The following ATE1 variants were observed in gnomAD, a reference collection of about 807,000 sequenced individuals.
The protein encoded by ATE1 is arginyltransferase 1.
In ATE1, 36 loss-of-function variants were observed where a neutral mutation model predicts 70.5. The observed-to-expected ratio is 0.51, with a 90% CI of 0.39 to 0.67. The LOEUF is 0.67. Ranked by LOEUF, ATE1 falls within the 30% of genes least tolerant of loss-of-function variation. ATE1 has a pLI of 0.00. For missense variants in ATE1, 593 were observed against 629.5 expected, an observed-to-expected ratio of 0.94 and a Z score of 0.62; for synonymous variants, 232 against 219.3, an observed-to-expected ratio of 1.06 and a Z score of -0.51.
At chr10:121,927,277 G>A in intron 1 of ATE1, 1 of 984,812 alleles carries the variant, frequency 1.0e-6, no homozygotes. Context: ...AACAGATCAG[G>A]ACAAACAGAA....
In ATE1 at chr10:121,887,530, G is replaced by A. The variant is rs868098072; in HGVS notation, c.942+12336C>T. Among the ~76,000 whole-genome samples the A allele has an allele frequency of 1.9e-4, 13 of 67,610 alleles. 1 individual carries two copies. The highest frequency in any genetic ancestry group is 5.9e-4 in the African/African-American group (11 of 18,660). The allele number at this position is 67,610 out of a possible 152,430, so 44.4% of individuals were successfully genotyped here. On this transcript the variant is annotated intron_variant, in intron 7 of 11. Coordinates refer to ENST00000224652, the MANE Select transcript of ATE1 (RefSeq NM_001001976.3). Reference sequence around the variant, plus strand: ...ACCAGCCTGGACAACACAGCAAGACGCCCCCCTACAAAAAAAAATTTAAAA... The same window carrying A: ...ACCAGCCTGGACAACACAGCAAGACACCCCCCTACAAAAAAAAATTTAAAA...
At chr10:121,869,772 T>C (rs1463589564) in intron 8 of ATE1, among the ~76,000 whole-genome samples, 1 of 152,126 alleles carries the variant, frequency 6.6e-6, no homozygotes, top group Non-Finnish European at 1.5e-5. Flanking sequence ...AAAGAAAATA[T>C]ACTTAAAAAG....
intron 11 of ATE1, among the ~76,000 whole-genome samples, chr10:121,776,922 T>C (rs1349553463): frequency 6.6e-6 from 1 of 152,240 alleles, no homozygotes; most frequent in African/African-American, 2.4e-5. Flanking sequence ...AAGGGCAGTG[T>C]GGTGAAATTG....
At chr10:121,841,009 TA>T (rs796668906) in intron 9 of ATE1, 72 bp downstream of exon 9, 1 of 1,266,598 alleles carries the variant, frequency 7.9e-7, no homozygotes, top group East Asian at 2.7e-5. Context: ...GTTACATAAT[TA>T]AATATAATCA....
In ATE1 at chr10:121,872,521, T is replaced by C. The variant is rs77157283; in HGVS notation, c.943-2483A>G. On this transcript the variant is annotated intron_variant, in intron 7 of 11. Coordinates refer to ENST00000224652, the MANE Select transcript of ATE1 (RefSeq NM_001001976.3). Reference sequence around the variant, plus strand: ...CATCAGTAAAACCCATTTTTTTTTATGTTTCACTTCAGTTAATTACTTAGT... The same window carrying C: ...CATCAGTAAAACCCATTTTTTTTTACGTTTCACTTCAGTTAATTACTTAGT... Among the ~76,000 whole-genome samples the C allele has an allele frequency of 7.9e-3, 1,198 of 152,214 alleles. 18 individuals are homozygous for C. The highest frequency in any genetic ancestry group is 0.028 in the African/African-American group (1,158 of 41,494).
At chr10:121,860,190 G>A (rs183164119) in intron 8 of ATE1, among the ~76,000 whole-genome samples, 2 of 152,156 alleles carry the variant, frequency 1.3e-5, no homozygotes, top group Non-Finnish European at 2.9e-5. Context: ...TCTTTATCTG[G>A]AATACTCTTA....
chr10:121,913,660 A>G (rs577287001), intron 4 of ATE1, 130 bp downstream of exon 4: 2 of 550,116 alleles, frequency 3.6e-6, no homozygotes, highest in African/African-American at 1.9e-5. Context: ...CAGTGCTAAC[A>G]GTAGTCGCTG....
At chr10:121,886,194 T>G (rs1483883838) in intron 7 of ATE1, among the ~76,000 whole-genome samples, 1 of 152,096 alleles carries the variant, frequency 6.6e-6, no homozygotes, top group Non-Finnish European at 1.5e-5. Flanking sequence ...CAACATCATT[T>G]TGTTATAACT....
chr10:121,802,121 C>T (rs1328556496), intron 10 of ATE1, among the ~76,000 whole-genome samples: 1 of 152,134 alleles, frequency 6.6e-6, no homozygotes, highest in Non-Finnish European at 1.5e-5. Context: ...TCTATATCCA[C>T]TGCGTGCAAA....
chr10:121,801,929 G>T (rs1415787222), intron 10 of ATE1, among the ~76,000 whole-genome samples: 2 of 141,600 alleles, frequency 1.4e-5, no homozygotes, highest in African/African-American at 5.5e-5. Flanking sequence ...CCTTTTTAAA[G>T]TTAAAAAAAA....
At position 121,762,227 on chromosome 10, in the gene ATE1, T is replaced by C. The variant is rs960129569; in HGVS notation, c.1379-18369A>G. On this transcript the variant is annotated intron_variant, in intron 11 of 11. Transcript: ENST00000224652. Reference sequence around the variant, plus strand: ...TTGCCCCAGGGCAATCCTTTTTCATTGACTGACTTCTCCCTTCTTTACCTA... The same window carrying C: ...TTGCCCCAGGGCAATCCTTTTTCATCGACTGACTTCTCCCTTCTTTACCTA... Among the ~76,000 whole-genome samples, 5 of 152,238 alleles carry C rather than the reference T, an allele frequency of 3.3e-5. No homozygotes were observed. In the East Asian group the frequency reaches 9.6e-4, roughly 29 times the overall value.
At chr10:121,860,069 A>G (rs1388945717) in intron 8 of ATE1, among the ~76,000 whole-genome samples, 1 of 152,236 alleles carries the variant, frequency 6.6e-6, no homozygotes, top group Non-Finnish European at 1.5e-5. Context: ...GAGAAAGTAT[A>G]GTAGGTTGGG....
intron 8 of ATE1, among the ~76,000 whole-genome samples, chr10:121,864,037 G>T (rs1002487991): frequency 6.6e-6 from 1 of 152,074 alleles, no homozygotes; most frequent in Non-Finnish European, 1.5e-5. Flanking sequence ...CTTTTAATTG[G>T]AATGTTCCAA....
intron 11 of ATE1, among the ~76,000 whole-genome samples, chr10:121,789,149 T>C: frequency 6.6e-6 from 1 of 152,128 alleles, no homozygotes; most frequent in South Asian, 2.1e-4. Flanking sequence ...TAATCCTCAT[T>C]ACAGCTAGTA....
intron 5 of ATE1, 129 bp downstream of exon 5, chr10:121,910,777 A>G (rs1951389608): frequency 8.1e-7 from 1 of 1,238,566 alleles, no homozygotes; most frequent in Admixed American, 2.2e-5. Context: ...ATAATAAACA[A>G]AGCAGGGTTC....
chr10:121,879,943 C>A (rs1374136878), intron 7 of ATE1, among the ~76,000 whole-genome samples: 1 of 152,164 alleles, frequency 6.6e-6, no homozygotes, highest in Non-Finnish European at 1.5e-5. Context: ...TGAAATTACA[C>A]TAGGCTAGGC....
At chr10:121,910,437 C>T (rs545736828) in intron 5 of ATE1, among the ~76,000 whole-genome samples, 40 of 152,062 alleles carry the variant, frequency 2.6e-4, no homozygotes, top group Non-Finnish European at 3.7e-4. Context: ...TGATTAAAGG[C>T]AAAGTTAAAC....
chr10:121,794,610 C>CAAAAAAAAAA (rs71022866), intron 10 of ATE1, among the ~76,000 whole-genome samples: 5 of 77,540 alleles, frequency 6.4e-5, no homozygotes, highest in African/African-American at 2.5e-4. Context: ...ACCCTGTCTC[C>CAAAAAAAAAA]AAAAAAAAAA....
intron 5 of ATE1, among the ~76,000 whole-genome samples, chr10:121,908,743 C>T (rs1289770576): frequency 1.3e-5 from 2 of 152,332 alleles, no homozygotes; most frequent in East Asian, 1.9e-4. Context: ...TCTTGCCCAT[C>T]CTCAAATAAT....
Sources: gnomAD v4.1 joint callset for allele counts (sites outside exome capture counted in the v4.1 genomes callset) on GRCh38, gnomAD v4.1.1 for gene constraint, MANE v1.5 for transcripts, NCBI Gene and HGNC (gene_info 2026-07-23, HGNC 2026-07-21) for gene names.